The following LAMA3 variants were observed in gnomAD, a reference collection of about 807,000 sequenced individuals.
LAMA3 encodes the protein laminin subunit alpha-3.
LAMA3 carries 281 observed loss-of-function variants against 402.0 expected under a neutral mutation model. The ratio of observed to expected loss-of-function variants is 0.70; its 90% CI spans 0.63 to 0.77. The LOEUF (loss-of-function observed/expected upper bound fraction) is 0.77, where lower values mean the gene tolerates loss of function less well. Among genes scored for constraint, LAMA3 ranks in the 30% least tolerant of loss-of-function variants. LAMA3 has a pLI of 0.00. For missense variants in LAMA3, 3,840 were observed against 4,215.5 expected, an observed-to-expected ratio of 0.91 and a Z score of 2.47; for synonymous variants, 1,431 against 1,558.4, an observed-to-expected ratio of 0.92 and a Z score of 1.93.
chr18:23,764,744 A>G (rs1427939367), intron 8 of LAMA3, among the ~76,000 whole-genome samples: 1 of 152,222 alleles, frequency 6.6e-6, no homozygotes, highest in Non-Finnish European at 1.5e-5. Context: ...TAAAATAGAC[A>G]TAACATAAAA....
intron 11 of LAMA3, among the ~76,000 whole-genome samples, chr18:23,781,097 C>G (rs887032680): frequency 2.0e-5 from 3 of 152,160 alleles, no homozygotes; most frequent in Admixed American, 2.0e-4. Context: ...GTGGGATGTT[C>G]TTTCTTTTTC....
rs759165579 is a variant in LAMA3 at position 23,899,434 on chromosome 18, G to A, written c.5983G>A (p.Asp1995Asn). 3.1e-6 allele frequency: 5 copies of A among 1,614,028 alleles called. No individual in the cohort carries two copies. Among genetic ancestry groups the A allele is most frequent in the Admixed American group, 3.3e-5 (2 of 60,006 alleles). Residue 1995 changes from aspartate (D) to asparagine (N), a missense_variant, in exon 47 of 75, where the codon GAT (aspartate) becomes AAT (asparagine). Physicochemically the swap from Asp to Asn is conservative, Grantham distance 23. Around this residue, in one of 3 missense-constraint regions of LAMA3, gnomAD observed 891 missense variants for 857.5 expected, o/e 1.04. Transcript: ENST00000313654. The stretch of plus-strand genomic sequence containing the variant: ...AAAGCACCTCAGAGAAGCAGAAGCT[G>A]ATAAAAGGGAGTCGCAGCTCTGTAA... Reference protein sequence around the residue: ...FGKHLREAEADKRESQLLLNR... With the variant: ...FGKHLREAEANKRESQLLLNR...
intron 11 of LAMA3, among the ~76,000 whole-genome samples, chr18:23,782,641 A>G (rs1221145375): frequency 6.6e-6 from 1 of 152,092 alleles, no homozygotes; most frequent in Non-Finnish European, 1.5e-5. Flanking sequence ...TCCAGGACAC[A>G]CTCTGAAAGT....
At chr18:23,768,808 T>C (rs2062133244) in intron 8 of LAMA3, among the ~76,000 whole-genome samples, 1 of 152,050 alleles carries the variant, frequency 6.6e-6, no homozygotes, top group Non-Finnish European at 1.5e-5. Context: ...TACACAGACA[T>C]AAAAAAGAAT....
At chr18:23,835,324 A>G (rs966384966) in intron 24 of LAMA3, among the ~76,000 whole-genome samples, 3 of 152,350 alleles carry the variant, frequency 2.0e-5, no homozygotes, top group Admixed American at 6.5e-5. Flanking sequence ...ACTATTCATA[A>G]CAACCCTGGT....
intron 7 of LAMA3, among the ~76,000 whole-genome samples, chr18:23,759,426 T>C (rs1420615324): frequency 6.6e-6 from 1 of 152,152 alleles, no homozygotes; most frequent in Non-Finnish European, 1.5e-5. Context: ...TAAATCTCCT[T>C]GTGAAGCTAC....
chr18:23,920,028 A>G (rs1306632533), intron 60 of LAMA3, among the ~76,000 whole-genome samples: 1 of 152,080 alleles, frequency 6.6e-6, no homozygotes, highest in Non-Finnish European at 1.5e-5. Context: ...ATCAAGAATG[A>G]TTCCTAGGTT....
intron 2 of LAMA3, among the ~76,000 whole-genome samples, chr18:23,715,396 T>G (rs903708353): frequency 1.3e-5 from 2 of 152,018 alleles, no homozygotes; most frequent in African/African-American, 4.8e-5. Context: ...CACTGATAAC[T>G]GAGCAGCAAA....
In LAMA3 at chr18:23,914,699, A is replaced by G. The variant is rs750064992; in HGVS notation, c.7483A>G (p.Ile2495Val). 1.4e-5 allele frequency: 23 copies of G among 1,611,854 alleles called. No individual in the cohort carries two copies. Among genetic ancestry groups the G allele is most frequent in the Non-Finnish European group, 8.5e-7 (1 of 1,178,532 alleles). The change falls in exon 58 of 75, where the codon ATT (isoleucine) becomes GTT (valine). Residue 2495 changes from isoleucine to valine, a missense_variant and splice_region_variant. Ile to Val is a conservative substitution (Grantham distance 29, BLOSUM62 3). Coordinates refer to ENST00000313654, the MANE Select transcript of LAMA3 (RefSeq NM_198129.4). ...ATTATCTAAATTCATTTTAAACAGA[A>G]TTTATCAGTTTGCAAGGCTTAATTA... Reference protein sequence around the residue: ...AVMDRVKFQRIYQFARLNYTK... With the variant: ...AVMDRVKFQRVYQFARLNYTK...
At chr18:23,917,438 C>A (rs967558935) in intron 60 of LAMA3, among the ~76,000 whole-genome samples, 1 of 152,192 alleles carries the variant, frequency 6.6e-6, no homozygotes, top group African/African-American at 2.4e-5. Context: ...GAGAAATAGA[C>A]AAACTGCTTT....
intron 9 of LAMA3, 93 bp from the exon 10 acceptor site, chr18:23,775,699 A>G (rs1173993642): frequency 1.4e-6 from 2 of 1,402,734 alleles, no homozygotes; most frequent in Admixed American, 3.5e-5. Flanking sequence ...ACCAAGGATC[A>G]AGTATGGAAC....
At chr18:23,805,486 C>T (rs995672285) in intron 12 of LAMA3, among the ~76,000 whole-genome samples, 1 of 152,198 alleles carries the variant, frequency 6.6e-6, no homozygotes, top group African/African-American at 2.4e-5. Context: ...ATAACTTCCA[C>T]TCCATAGGTC....
chr18:23,876,344 G>T lies in LAMA3; in HGVS notation c.5049G>T (p.Arg1683=). 6.2e-7 allele frequency: 1 copy of T among 1,614,190 alleles called. No individual in the cohort carries two copies. Among genetic ancestry groups the T allele is most frequent in the Non-Finnish European group, 8.5e-7 (1 of 1,179,988 alleles). ...YRDHKGLYTG[R]CVPCNCNGHS... is the part of the protein sequence containing the mutation. ...ATCATAAAGGCTTGTATACCGGACGGTGTGTTCCCTGCAATTGCAACGGAC... is the reference window on the plus strand; with the variant it reads ...ATCATAAAGGCTTGTATACCGGACGTTGTGTTCCCTGCAATTGCAACGGAC... Residue 1683 remains arginine (R), a synonymous_variant, in exon 39 of 75, where the codon CGG becomes CGT. Coordinates refer to ENST00000313654, the MANE Select transcript of LAMA3 (RefSeq NM_198129.4).
intron 66 of LAMA3, among the ~76,000 whole-genome samples, chr18:23,932,756 T>G (rs2082200705): frequency 6.6e-6 from 1 of 152,204 alleles, no homozygotes; most frequent in Non-Finnish European, 1.5e-5. Context: ...TTTACATATT[T>G]TTTTTGATAC....
At chr18:23,827,984 T>C (rs1598873115) in intron 23 of LAMA3, among the ~76,000 whole-genome samples, 1 of 152,230 alleles carries the variant, frequency 6.6e-6, no homozygotes, top group Admixed American at 6.5e-5. Context: ...CAGGTCTTGG[T>C]ATTACTTTTC....
intron 60 of LAMA3, among the ~76,000 whole-genome samples, chr18:23,917,134 T>A (rs1375488986): frequency 6.6e-6 from 1 of 152,168 alleles, no homozygotes; most frequent in African/African-American, 2.4e-5. Context: ...GGTTTTCTGT[T>A]CCTACGTTCG....
At chr18:23,766,252 A>C (rs535448297) in intron 8 of LAMA3, among the ~76,000 whole-genome samples, 1 of 152,328 alleles carries the variant, frequency 6.6e-6, no homozygotes, top group South Asian at 2.1e-4. Flanking sequence ...TTTTTATTAG[A>C]AACTGGAGGT....
intron 30 of LAMA3, among the ~76,000 whole-genome samples, chr18:23,845,701 G>T (rs1039573949): frequency 1.3e-5 from 2 of 152,226 alleles, no homozygotes; most frequent in African/African-American, 4.8e-5. Flanking sequence ...GACACCTCCT[G>T]TACAGTGAAT....
chr18:23,835,946 A>G (rs1269331051), intron 24 of LAMA3, among the ~76,000 whole-genome samples: 3 of 152,228 alleles, frequency 2.0e-5, no homozygotes, highest in Non-Finnish European at 4.4e-5. Context: ...TCTGCTCTCC[A>G]TAAGAGAGAT....
Sources: allele counts gnomAD v4.1 joint callset (sites outside exome capture counted in the v4.1 genomes callset), GRCh38; gene constraint gnomAD v4.1.1; regional missense constraint gnomAD v4.1.1; transcripts MANE v1.5; gene names NCBI Gene and HGNC (gene_info 2026-07-23, HGNC 2026-07-21).